Variants in NRG3 observed in about 807,000 individuals in gnomAD.
NRG3 encodes the protein neuregulin 3, also known as pro-neuregulin-3, membrane-bound isoform.
In NRG3, 31 loss-of-function variants were observed where a neutral mutation model predicts 66.9. The observed-to-expected ratio is 0.46, with a 90% CI of 0.35 to 0.63. The LOEUF (loss-of-function observed/expected upper bound fraction) is 0.63, where lower values mean the gene tolerates loss of function less well. Among genes scored for constraint, NRG3 ranks in the 20% least tolerant of loss-of-function variants. NRG3 has a pLI of 0.00. For synonymous variants in NRG3, 393 were observed against 359.4 expected (o/e 1.09, Z -1.06); for missense variants, 910 against 878.9 (o/e 1.04, Z -0.45).
intron 2 of NRG3, among the ~76,000 whole-genome samples, chr10:82,431,036 T>C (rs958471619): frequency 2.0e-5 from 3 of 152,216 alleles, no homozygotes; most frequent in Admixed American, 1.3e-4. Context: ...TTTTCAAAGT[T>C]CCTTATTTTC....
At chr10:81,889,755 T>C (rs904618052) in intron 1 of NRG3, 1 of 152,216 alleles carries the variant, frequency 6.6e-6, no homozygotes, top group African/African-American at 2.4e-5. Flanking sequence ...ATCTATTTTA[T>C]TGACTTAGAT....
chr10:82,750,192 C>T (rs1478171152), intron 3 of NRG3, among the ~76,000 whole-genome samples: 1 of 152,118 alleles, frequency 6.6e-6, no homozygotes, highest in Non-Finnish European at 1.5e-5. Context: ...TAGGAGACAA[C>T]CAACACAGTG....
At chr10:82,712,235 C>G (rs1443590087) in intron 2 of NRG3, among the ~76,000 whole-genome samples, 1 of 151,918 alleles carries the variant, frequency 6.6e-6, no homozygotes, top group African/African-American at 2.4e-5. Flanking sequence ...TAATAAAGTT[C>G]ACTATTAAAG....
At chr10:82,609,253 G>A (rs1290380017) in intron 2 of NRG3, among the ~76,000 whole-genome samples, 1 of 152,094 alleles carries the variant, frequency 6.6e-6, no homozygotes, top group Non-Finnish European at 1.5e-5. Context: ...TAATAATTTT[G>A]TATTTAATTA....
chr10:81,922,576 A>C (rs1564659960), intron 1 of NRG3, among the ~76,000 whole-genome samples: 2 of 152,206 alleles, frequency 1.3e-5, no homozygotes, highest in Non-Finnish European at 2.9e-5. Context: ...ATTGCTGCCC[A>C]AAACAAGACA....
chr10:81,916,652 C>T (rs1360197907), intron 1 of NRG3, among the ~76,000 whole-genome samples: 1 of 152,018 alleles, frequency 6.6e-6, no homozygotes, highest in South Asian at 2.1e-4. Flanking sequence ...GTGTCAGAGA[C>T]TGAAAAAATA....
intron 1 of NRG3, among the ~76,000 whole-genome samples, chr10:82,292,127 T>A (rs1458187121): frequency 6.6e-6 from 1 of 152,060 alleles, no homozygotes; most frequent in Non-Finnish European, 1.5e-5. Flanking sequence ...ACTCAACAGT[T>A]AAAACGATCC....
chr10:82,237,293 C>T (rs1291479606), intron 1 of NRG3, among the ~76,000 whole-genome samples: 1 of 152,140 alleles, frequency 6.6e-6, no homozygotes, highest in African/African-American at 2.4e-5. Context: ...CTTTCTGCCT[C>T]TGTTTGCAAA....
intron 2 of NRG3, among the ~76,000 whole-genome samples, chr10:82,486,660 C>A (rs922833089): frequency 3.3e-5 from 5 of 152,174 alleles, no homozygotes; most frequent in Non-Finnish European, 4.4e-5. Context: ...GATCTGCCCA[C>A]CTCAGCCTCC....
At chr10:82,141,578 A>C (rs1275725819) in intron 1 of NRG3, among the ~76,000 whole-genome samples, 3 of 152,192 alleles carry the variant, frequency 2.0e-5, no homozygotes, top group Non-Finnish European at 4.4e-5. Context: ...GGACTATTAT[A>C]GAACTTTTCA....
chr10:81,965,349 A>G (rs1239551780), intron 1 of NRG3, among the ~76,000 whole-genome samples: 3 of 152,226 alleles, frequency 2.0e-5, no homozygotes, highest in Non-Finnish European at 4.4e-5. Context: ...TCAGATGTGT[A>G]ATATAGATCC....
chr10:82,626,413 C>G (rs1052687661), intron 2 of NRG3, among the ~76,000 whole-genome samples: 2 of 152,114 alleles, frequency 1.3e-5, no homozygotes, highest in South Asian at 2.1e-4. Context: ...GGCTTCCATA[C>G]TGACCATGAA....
At chr10:82,120,828 G>T (rs1430760665) in intron 1 of NRG3, among the ~76,000 whole-genome samples, 1 of 152,054 alleles carries the variant, frequency 6.6e-6, no homozygotes, top group Non-Finnish European at 1.5e-5. Flanking sequence ...TCATGGATAT[G>T]CTTCCCACAG....
At chr10:82,783,565 A>C (rs1459540670) in intron 3 of NRG3, among the ~76,000 whole-genome samples, 1 of 152,196 alleles carries the variant, frequency 6.6e-6, no homozygotes, top group Non-Finnish European at 1.5e-5. Flanking sequence ...CACCAAAAAC[A>C]GGCAAACAGA....
At chr10:82,969,269 T>C (rs748905442) in intron 6 of NRG3, among the ~76,000 whole-genome samples, 13 of 152,120 alleles carry the variant, frequency 8.5e-5, no homozygotes, top group Non-Finnish European at 1.8e-4. Context: ...GTTTATTAGA[T>C]AAAAAAAGAT....
At chr10:82,766,635 T>C (rs1283775682) in intron 3 of NRG3, among the ~76,000 whole-genome samples, 1 of 152,138 alleles carries the variant, frequency 6.6e-6, no homozygotes, top group Non-Finnish European at 1.5e-5. Flanking sequence ...TAGAGTTATC[T>C]TGTAGTTCAG....
chr10:82,448,248 G>A (rs1339366193), intron 2 of NRG3, among the ~76,000 whole-genome samples: 1 of 152,210 alleles, frequency 6.6e-6, no homozygotes, highest in Non-Finnish European at 1.5e-5. Flanking sequence ...GGAGAGGAAT[G>A]TCAAATTTGT....
rs1362219825 is a variant in NRG3, at chr10:82,627,236, CTGAAA to C, written c.954-111340_954-111336del. On this transcript the variant is annotated intron_variant, in intron 2 of 8. Transcript: ENST00000372141. ...GCACATTTTCTTCAGGGCATGGAGG[CTGAAA>C]ATGCCTGACTTCTCCATTTAAATCA... 5.9e-5 allele frequency among the ~76,000 whole-genome samples: 9 copies of C among 152,194 alleles called. No homozygotes were observed. The East Asian group carries it at 1.7e-3, about 30-fold the overall frequency.
intron 6 of NRG3, among the ~76,000 whole-genome samples, chr10:82,969,504 A>AC (rs1318109402): frequency 6.6e-6 from 1 of 152,122 alleles, no homozygotes; most frequent in Non-Finnish European, 1.5e-5. Context: ...TTATCTCTGT[A>AC]CCTTCTCTTT....
Sources: allele counts gnomAD v4.1 joint callset (sites outside exome capture counted in the v4.1 genomes callset), GRCh38; gene constraint gnomAD v4.1.1; transcripts MANE v1.5; gene names NCBI Gene and HGNC (gene_info 2026-07-23, HGNC 2026-07-21).